The following CELF2 variants were observed in gnomAD, a reference collection of about 807,000 sequenced individuals.
The protein encoded by CELF2 is CUG triplet repeat RNA-binding protein 2.
Under a neutral mutation model 62.6 loss-of-function variants are expected in CELF2, and 8 were observed. That is an observed-to-expected ratio of 0.13 (90% confidence interval 0.07 to 0.23). The LOEUF is 0.23. Among genes scored for constraint, CELF2 ranks in the 10% least tolerant of loss-of-function variants. CELF2 has a pLI of 1.00. For missense variants in CELF2, 333 were observed against 671.0 expected, an observed-to-expected ratio of 0.50 and a Z score of 5.56; for synonymous variants, 258 against 250.0, an observed-to-expected ratio of 1.03 and a Z score of -0.30.
At chr10:10,558,536 G>T in the CELF2 span, among the ~76,000 whole-genome samples, 2,467 of 152,136 alleles carry the variant, frequency 0.016, 29 homozygotes, top group Non-Finnish European at 0.027. Context: ...GTATCAGAAT[G>T]ATGCTGGCCT....
chr10:11,054,779 A>G (rs1413099150), intron 1 of CELF2, among the ~76,000 whole-genome samples: 1 of 152,152 alleles, frequency 6.6e-6, no homozygotes, highest in African/African-American at 2.4e-5. Flanking sequence ...CAGTGGTACA[A>G]TCTTGGCTCA....
chr10:10,992,641 T>C (rs2053556663), intron 2 of CELF2, among the ~76,000 whole-genome samples: 1 of 152,004 alleles, frequency 6.6e-6, no homozygotes, highest in African/African-American at 2.4e-5. Context: ...CAGAAGAGGG[T>C]GTATTAGGGT....
At chr10:10,689,482 T>C in the CELF2 span, among the ~76,000 whole-genome samples, 1 of 142,494 alleles carries the variant, frequency 7.0e-6, no homozygotes, top group East Asian at 2.0e-4. Flanking sequence ...CTTTGCAGTA[T>C]ATCAAATTAA....
At chr10:11,013,899 TA>T (rs1016412323), upstream of CELF2, among the ~76,000 whole-genome samples, 7 of 152,214 alleles carry the variant, frequency 4.6e-5, no homozygotes, top group African/African-American at 1.2e-4. The surrounding 1 kb of genome is among the most constrained non-coding windows in gnomAD (Gnocchi z 4.1). Context: ...GTTAACACAT[TA>T]AAAAATGTTT....
intron 2 of CELF2, among the ~76,000 whole-genome samples, chr10:11,188,907 C>A (rs1273398594): frequency 6.6e-6 from 1 of 152,148 alleles, no homozygotes; most frequent in Non-Finnish European, 1.5e-5. Flanking sequence ...TGCCGTTAAT[C>A]CCATCCAGTG....
At position 11,242,160 on chromosome 10, in the gene CELF2, T is replaced by C. The variant is rs1423736615; in HGVS notation, c.355-6993T>C. On this transcript the variant is annotated intron_variant, in intron 3 of 12. Coordinates refer to ENST00000633077, the MANE Select transcript of CELF2 (RefSeq NM_001326342.2). The surrounding 1 kb of genome is among the most constrained non-coding windows in gnomAD (Gnocchi z 4.8). ...TCACAATATGTGCTAGCACGGCTGC[T>C]CTCTCCAGGGGTCAGGATGGGTTTA... Among the ~76,000 whole-genome samples, 1 of 152,186 alleles carries C rather than the reference T, an allele frequency of 6.6e-6. No individual in the cohort carries two copies. The highest frequency in any genetic ancestry group is 2.1e-4 in the South Asian group (1 of 4,832).
the CELF2 span, among the ~76,000 whole-genome samples, chr10:10,683,284 T>C: frequency 1.3e-5 from 2 of 152,344 alleles, no homozygotes; most frequent in South Asian, 2.1e-4. Flanking sequence ...TAAATGTCAT[T>C]GCAATTGAAT....
At chr10:10,835,680 G>A (rs2058233326) in intron 1 of CELF2, among the ~76,000 whole-genome samples, 1 of 152,146 alleles carries the variant, frequency 6.6e-6, no homozygotes, top group South Asian at 2.1e-4. Flanking sequence ...ACCACGCCCA[G>A]CCCAGCAGAT....
intron 8 of CELF2, among the ~76,000 whole-genome samples, chr10:11,284,950 A>G (rs1274163416): frequency 2.7e-5 from 4 of 145,960 alleles, no homozygotes; most frequent in Non-Finnish European, 6.0e-5. Flanking sequence ...GGGAGCATCT[A>G]TTCCACAATG....
chr10:10,674,596 A>G, the CELF2 span, among the ~76,000 whole-genome samples: 1 of 152,036 alleles, frequency 6.6e-6, no homozygotes, highest in South Asian at 2.1e-4. Context: ...CTTTGTTCCT[A>G]CTTTTTCTTC....
At chr10:10,531,814 A>G in the CELF2 span, among the ~76,000 whole-genome samples, 1 of 152,232 alleles carries the variant, frequency 6.6e-6, no homozygotes, top group Non-Finnish European at 1.5e-5. Context: ...TTTTAGAAAT[A>G]AAAGGCAATA....
At chr10:10,877,868 C>T (rs988272542) in intron 1 of CELF2, among the ~76,000 whole-genome samples, 2 of 152,182 alleles carry the variant, frequency 1.3e-5, no homozygotes, top group South Asian at 2.1e-4. Context: ...GCAAGCCTGG[C>T]GTAGCCTCTG....
At chr10:10,465,308 A>G in the CELF2 span, among the ~76,000 whole-genome samples, 22 of 152,260 alleles carry the variant, frequency 1.4e-4, no homozygotes, top group African/African-American at 5.3e-4. Flanking sequence ...GGGAATTACA[A>G]TGTAGTAAGA....
At chr10:11,248,356 G>A (rs1023851486) in intron 3 of CELF2, among the ~76,000 whole-genome samples, 15 of 152,110 alleles carry the variant, frequency 9.9e-5, no homozygotes, top group African/African-American at 1.9e-4. Context: ...CCTCGGCCCC[G>A]CTGTGTCTAG....
chr10:10,959,101 C>T (rs895745282), intron 2 of CELF2, among the ~76,000 whole-genome samples: 2 of 151,960 alleles, frequency 1.3e-5, no homozygotes, highest in Non-Finnish European at 1.5e-5. Flanking sequence ...ACTAAAAATA[C>T]AAAAAAATTA....
chr10:11,033,657 G>A (rs1299609302), intron 1 of CELF2, among the ~76,000 whole-genome samples: 2 of 152,228 alleles, frequency 1.3e-5, no homozygotes, highest in Non-Finnish European at 2.9e-5. Context: ...TTTATTTTAA[G>A]AAAGGTAATT....
chr10:10,566,652 A>G, the CELF2 span, among the ~76,000 whole-genome samples: 14 of 147,270 alleles, frequency 9.5e-5, no homozygotes, highest in African/African-American at 3.3e-4. Context: ...CCCACCTATG[A>G]GTGAGAATAT....
chr10:10,528,595 A>G, the CELF2 span, among the ~76,000 whole-genome samples: 3 of 152,286 alleles, frequency 2.0e-5, no homozygotes, highest in East Asian at 3.9e-4. Context: ...TCTTTGCTCA[A>G]CAGATCCCCA....
chr10:10,996,185 T>C (rs1462139370), intron 2 of CELF2, among the ~76,000 whole-genome samples: 1 of 152,244 alleles, frequency 6.6e-6, no homozygotes, highest in African/African-American at 2.4e-5. Flanking sequence ...TCTGGAAATA[T>C]TGAACCCAAC....
Sources: allele counts gnomAD v4.1 joint callset (sites outside exome capture counted in the v4.1 genomes callset), GRCh38; gene constraint gnomAD v4.1.1; non-coding constraint Gnocchi (gnomAD v3.1); transcripts MANE v1.5; gene names NCBI Gene and HGNC (gene_info 2026-07-23, HGNC 2026-07-21).